DPP10: variants seen among roughly 807,000 people sequenced by gnomAD.
DPP10 encodes inactive dipeptidyl peptidase 10.
In DPP10, 33 loss-of-function variants were observed where a neutral mutation model predicts 120.9. That is an observed-to-expected ratio of 0.27 (90% confidence interval 0.21 to 0.37). DPP10 has a LOEUF of 0.37. Ranked by LOEUF, DPP10 falls within the 10% of genes least tolerant of loss-of-function variation. DPP10 has a pLI of 1.00. For missense variants in DPP10, 816 were observed against 942.8 expected, an observed-to-expected ratio of 0.87 and a Z score of 1.76; for synonymous variants, 337 against 326.1, an observed-to-expected ratio of 1.03 and a Z score of -0.36.
intron 1 of DPP10, among the ~76,000 whole-genome samples, chr2:114,588,885 C>A (rs1174013220): frequency 6.6e-6 from 1 of 152,076 alleles, no homozygotes; most frequent in South Asian, 2.1e-4. Context: ...TGGCACTCAG[C>A]ATCCAACCCC....
At chr2:115,689,269 G>A (rs2091178117) in intron 5 of DPP10, among the ~76,000 whole-genome samples, 1 of 152,108 alleles carries the variant, frequency 6.6e-6, no homozygotes, top group Non-Finnish European at 1.5e-5. Flanking sequence ...AAAAGTTCAG[G>A]ACACACAGGG....
At chr2:114,719,523 C>G (rs1310117123) in intron 1 of DPP10, among the ~76,000 whole-genome samples, 1 of 152,134 alleles carries the variant, frequency 6.6e-6, no homozygotes, top group East Asian at 1.9e-4. Flanking sequence ...GATGCTTGAT[C>G]CACAGACAGC....
At chr2:115,048,576 A>G (rs1231466478) in intron 1 of DPP10, among the ~76,000 whole-genome samples, 1 of 152,118 alleles carries the variant, frequency 6.6e-6, no homozygotes, top group Non-Finnish European at 1.5e-5. Flanking sequence ...GCAGGGTAGC[A>G]TAAAAGAACT....
At position 115,815,794 on chromosome 2, in the gene DPP10, A is replaced by T. The variant is rs142368217; in HGVS notation, c.1950+65A>T. 1.8e-4 allele frequency: 267 copies of T among 1,484,672 alleles called. 1 individual carries two copies. The African/African-American group carries it at 3.2e-3, about 18-fold the overall frequency. The allele number at this position is 1,484,672 out of a possible 1,614,324, so 92.0% of individuals were successfully genotyped here. Reference sequence around the variant, plus strand: ...TCTATGTTATGTAATATCCTATTACACATTCACAGGAGGCCAGTTGGTTAC... The same window carrying T: ...TCTATGTTATGTAATATCCTATTACTCATTCACAGGAGGCCAGTTGGTTAC... On this transcript the variant is annotated intron_variant, in intron 21 of 25. Coordinates refer to ENST00000410059, the MANE Select transcript of DPP10 (RefSeq NM_020868.6).
chr2:115,262,497 A>G (rs2059295834), intron 1 of DPP10, among the ~76,000 whole-genome samples: 1 of 152,144 alleles, frequency 6.6e-6, no homozygotes, highest in Non-Finnish European at 1.5e-5. Flanking sequence ...TTGACTACAT[A>G]GAAATCTAAA....
At chr2:115,334,171 C>T (rs2062948982) in intron 2 of DPP10, among the ~76,000 whole-genome samples, 1 of 138,146 alleles carries the variant, frequency 7.2e-6, no homozygotes, top group South Asian at 2.3e-4. Context: ...TCAGGAAGAG[C>T]AACTCCAAAA....
At chr2:115,261,650 G>A (rs1366438134) in intron 1 of DPP10, among the ~76,000 whole-genome samples, 1 of 152,172 alleles carries the variant, frequency 6.6e-6, no homozygotes. Flanking sequence ...ATTGTTGAAA[G>A]GTGATGAACA....
intron 3 of DPP10, among the ~76,000 whole-genome samples, chr2:115,394,205 A>G (rs927158308): frequency 6.6e-6 from 1 of 152,196 alleles, no homozygotes; most frequent in African/African-American, 2.4e-5. Flanking sequence ...TGGATTTGAA[A>G]CTAGTAGAGC....
At chr2:115,110,461 G>A (rs1573649931) in intron 1 of DPP10, among the ~76,000 whole-genome samples, 1 of 152,246 alleles carries the variant, frequency 6.6e-6, no homozygotes, top group East Asian at 1.9e-4. Flanking sequence ...CTTTAGCAGT[G>A]TATGAAAGCA....
chr2:114,828,343 C>T (rs1041121288), intron 1 of DPP10: 3 of 152,096 alleles, frequency 2.0e-5, no homozygotes, highest in South Asian at 4.1e-4. Flanking sequence ...TTCAACATAA[C>T]GTTAATCATC....
At chr2:114,462,265 T>A in intron 1 of DPP10, 6 of 456,570 alleles carry the variant, frequency 1.3e-5, no homozygotes, top group Non-Finnish European at 1.7e-5. Context: ...ACTACTATAG[T>A]ACATTTGTCA....
intron 1 of DPP10, among the ~76,000 whole-genome samples, chr2:115,182,567 A>G (rs2054150762): frequency 6.6e-6 from 1 of 152,230 alleles, no homozygotes; most frequent in Non-Finnish European, 1.5e-5. Context: ...ACAGTGCATG[A>G]AAGTATCCTG....
intron 5 of DPP10, among the ~76,000 whole-genome samples, chr2:115,531,225 T>C (rs540038490): frequency 6.6e-6 from 1 of 151,602 alleles, no homozygotes; most frequent in Non-Finnish European, 1.5e-5. Context: ...GCCTGGGAAG[T>C]TATTAAAAAT....
intron 1 of DPP10, among the ~76,000 whole-genome samples, chr2:114,533,486 G>A (rs1686214420): frequency 6.6e-6 from 1 of 152,030 alleles, no homozygotes; most frequent in Non-Finnish European, 1.5e-5. Flanking sequence ...CAGAGAGAGA[G>A]CATTAGGAAA....
At chr2:115,498,885 A>G (rs2076542029) in intron 3 of DPP10, among the ~76,000 whole-genome samples, 1 of 152,038 alleles carries the variant, frequency 6.6e-6, no homozygotes, top group East Asian at 1.9e-4. Context: ...GCAATTATTT[A>G]AAATGAAGAC....
intron 5 of DPP10, among the ~76,000 whole-genome samples, chr2:115,558,894 T>C (rs1178129516): frequency 2.0e-5 from 3 of 152,176 alleles, no homozygotes; most frequent in Non-Finnish European, 4.4e-5. Context: ...TCTACTTTAA[T>C]TGTAATGAAT....
intron 7 of DPP10, among the ~76,000 whole-genome samples, chr2:115,724,215 T>A (rs1230498454): frequency 6.6e-6 from 1 of 152,232 alleles, no homozygotes; most frequent in Admixed American, 6.5e-5. Context: ...CAAATTTTCA[T>A]TTCTTGCCAC....
At chr2:115,832,360 C>T (rs565821521) in intron 21 of DPP10, among the ~76,000 whole-genome samples, 12 of 152,094 alleles carry the variant, frequency 7.9e-5, no homozygotes, top group Non-Finnish European at 1.0e-4. Flanking sequence ...CACGGTGGCA[C>T]GCACCTGTGG....
In DPP10 at chr2:115,722,420, T is replaced by A. The variant is rs575902467; in HGVS notation, c.577-5396T>A. ...TTTGTGTATTTGTAAAATAGAGTCATGTATCACTTGATGGGGATATGTTCT... is the reference window on the plus strand; with the variant it reads ...TTTGTGTATTTGTAAAATAGAGTCAAGTATCACTTGATGGGGATATGTTCT... On this transcript the variant is annotated intron_variant, in intron 7 of 25. Coordinates refer to ENST00000410059, the MANE Select transcript of DPP10 (RefSeq NM_020868.6). Among the ~76,000 whole-genome samples, 13 of 152,028 alleles carry A rather than the reference T, an allele frequency of 8.6e-5. No homozygotes were observed. The South Asian group carries it at 2.3e-3, about 27-fold the overall frequency.
Sources: allele counts gnomAD v4.1 joint callset (sites outside exome capture counted in the v4.1 genomes callset), GRCh38; gene constraint gnomAD v4.1.1; transcripts MANE v1.5; gene names NCBI Gene and HGNC (gene_info 2026-07-23, HGNC 2026-07-21).